The following PCDH7 variants were observed in gnomAD, a reference collection of about 807,000 sequenced individuals.
PCDH7 encodes protocadherin-7.
A neutral mutation model predicts 58.9 loss-of-function variants in PCDH7; 17 were observed. That is an observed-to-expected ratio of 0.29 (90% CI 0.20 to 0.43). The LOEUF is 0.43. Among genes scored for constraint, PCDH7 ranks in the 20% least tolerant of loss-of-function variants. The pLI is 1.00. For synonymous variants in PCDH7, 664 were observed against 616.4 expected (o/e 1.08, Z -1.14); for missense variants, 1,274 against 1,441.0 (o/e 0.88, Z 1.88).
chr4:30,886,351 A>C (rs1359491047), intron 1 of PCDH7, among the ~76,000 whole-genome samples: 1 of 148,894 alleles, frequency 6.7e-6, no homozygotes. Context: ...ACATTTATGC[A>C]GCCAAAAAAC....
At chr4:30,844,242 A>G (rs1731617020) in intron 1 of PCDH7, among the ~76,000 whole-genome samples, 1 of 152,210 alleles carries the variant, frequency 6.6e-6, no homozygotes, top group Non-Finnish European at 1.5e-5. Flanking sequence ...TACGATCCCA[A>G]ACTAAGAGTT....
In PCDH7 at chr4:30,847,368, C is replaced by T. The variant is rs557458787; in HGVS notation, c.71-72785C>T. Among the ~76,000 whole-genome samples the T allele has an allele frequency of 1.4e-4, 21 of 152,158 alleles. No homozygotes were observed. The South Asian group carries it at 2.1e-3, about 15-fold the overall frequency. ...TCAAACTAGTTGTGTTGCAGGCCTC[C>T]CTTTGTGCTTCACACCAGAAGGCTT... is the stretch of plus-strand genomic sequence containing the variant. On this transcript the variant is annotated intron_variant, in intron 1 of 3. Coordinates refer to the PCDH7 transcript ENST00000509759.
chr4:31,144,548 C>T (rs1720552673), downstream of PCDH7: 1 of 152,108 alleles, frequency 6.6e-6, no homozygotes, highest in Admixed American at 6.6e-5. Context: ...GCCTTGATGG[C>T]TCTCTAGCAA....
chr4:30,756,952 C>T (rs1428690758), intron 1 of PCDH7, among the ~76,000 whole-genome samples: 1 of 152,194 alleles, frequency 6.6e-6, no homozygotes, highest in Non-Finnish European at 1.5e-5. Context: ...CCTTACTGTG[C>T]CACTGTTTGT....
chr4:30,735,253 A>G (rs1716089597), downstream of PCDH7, among the ~76,000 whole-genome samples: 1 of 152,108 alleles, frequency 6.6e-6, no homozygotes, highest in African/African-American at 2.4e-5. Context: ...TCGTCAACTG[A>G]TATATTCCTG....
chr4:31,060,423 C>T (rs1286899588), intron 3 of PCDH7, among the ~76,000 whole-genome samples: 2 of 151,686 alleles, frequency 1.3e-5, no homozygotes, highest in Admixed American at 6.6e-5. Context: ...ATGCTTTTGT[C>T]TTCCTCATTG....
At chr4:30,962,898 CTGT>C (rs1043105588) in intron 3 of PCDH7, among the ~76,000 whole-genome samples, 47 of 151,828 alleles carry the variant, frequency 3.1e-4, no homozygotes, top group Admixed American at 3.0e-3. Context: ...ATAACTGTCC[CTGT>C]TGTTCTTTAT....
chr4:30,971,561 C>T (rs542866146), intron 3 of PCDH7, among the ~76,000 whole-genome samples: 1 of 152,318 alleles, frequency 6.6e-6, no homozygotes, highest in South Asian at 2.1e-4. Context: ...GATCCCTGGG[C>T]TGCAAAAACT....
chr4:30,790,508 A>G (rs760372909), intron 1 of PCDH7, among the ~76,000 whole-genome samples: 3 of 152,246 alleles, frequency 2.0e-5, no homozygotes, highest in Non-Finnish European at 4.4e-5. Context: ...CTTAAATCAC[A>G]TAACCAGTAG....
At chr4:30,932,666 T>G (rs1465536461) in intron 2 of PCDH7, among the ~76,000 whole-genome samples, 1 of 152,182 alleles carries the variant, frequency 6.6e-6, no homozygotes, top group Non-Finnish European at 1.5e-5. Flanking sequence ...TTAAATAGAA[T>G]GTATGTAAAT....
At chr4:30,818,431 T>C (rs1366246049) in intron 1 of PCDH7, among the ~76,000 whole-genome samples, 2 of 152,140 alleles carry the variant, frequency 1.3e-5, no homozygotes, top group African/African-American at 4.8e-5. Context: ...GTCAAGAAAA[T>C]GAGTCTTCTC....
At chr4:31,004,321 A>G (rs1169319810) in intron 3 of PCDH7, among the ~76,000 whole-genome samples, 1 of 152,206 alleles carries the variant, frequency 6.6e-6, no homozygotes, top group Non-Finnish European at 1.5e-5. Context: ...CCATACACAC[A>G]TGATAGCTCA....
intron 2 of PCDH7, among the ~76,000 whole-genome samples, chr4:30,933,140 C>A (rs1252149119): frequency 6.6e-6 from 1 of 152,000 alleles, no homozygotes; most frequent in Admixed American, 6.6e-5. Context: ...AATTCTCCTG[C>A]CTCAGGCTCC....
At chr4:30,994,640 G>A (rs1299440190) in intron 3 of PCDH7, among the ~76,000 whole-genome samples, 3 of 151,996 alleles carry the variant, frequency 2.0e-5, no homozygotes, top group South Asian at 2.1e-4. Context: ...TGTTGAGATG[G>A]TCCTATTAAC....
intron 1 of PCDH7, among the ~76,000 whole-genome samples, chr4:30,824,583 A>C (rs1022580374): frequency 6.6e-6 from 1 of 152,078 alleles, no homozygotes; most frequent in African/African-American, 2.4e-5. Context: ...ACCTTGGCGC[A>C]GTGGCTACTC....
Position 31,085,300 on chromosome 4 carries a change from A to G in PCDH7, c.*8-57173A>G, listed in dbSNP as rs188275851. ...GGTCCATCAAGTTGCAGGGTCTGCA[A>G]AATATCTCAAGCACTGATCCTAGGA... On this transcript the variant is annotated intron_variant, in intron 3 of 3. Coordinates refer to the PCDH7 transcript ENST00000509759. Among the ~76,000 whole-genome samples, 143 of 152,216 alleles carry G rather than the reference A, an allele frequency of 9.4e-4. 1 individual carries two copies. Among genetic ancestry groups the G allele is most frequent in the Middle Eastern group, 6.8e-3 (2 of 294 alleles).
At chr4:31,132,173 T>C (rs1719071561) in intron 3 of PCDH7, among the ~76,000 whole-genome samples, 1 of 152,208 alleles carries the variant, frequency 6.6e-6, no homozygotes, top group Non-Finnish European at 1.5e-5. Context: ...GAACTGCTTA[T>C]TGCAGAGGCT....
chr4:30,915,458 A>G (rs1350565226), intron 1 of PCDH7, among the ~76,000 whole-genome samples: 3 of 152,084 alleles, frequency 2.0e-5, no homozygotes, highest in Non-Finnish European at 4.4e-5. Flanking sequence ...GCCTTTCTGG[A>G]AATGTTACGC....
At chr4:31,095,175 C>T (rs539810022) in intron 3 of PCDH7, among the ~76,000 whole-genome samples, 2 of 151,618 alleles carry the variant, frequency 1.3e-5, no homozygotes, top group African/African-American at 4.8e-5. Context: ...ATTTTGTTTC[C>T]TTTTATTTTA....
Sources: allele counts gnomAD v4.1 joint callset (sites outside exome capture counted in the v4.1 genomes callset), GRCh38; gene constraint gnomAD v4.1.1; transcripts MANE v1.5; gene names NCBI Gene and HGNC (gene_info 2026-07-23, HGNC 2026-07-21).